The following SLC6A4 variants were observed in gnomAD, a reference collection of about 807,000 sequenced individuals.
SLC6A4 encodes sodium-dependent serotonin transporter.
SLC6A4 carries 22 observed loss-of-function variants against 73.4 expected under a neutral mutation model. The observed-to-expected ratio is 0.30, with a 90% confidence interval of 0.21 to 0.43. The LOEUF is 0.43. Ranked by LOEUF, SLC6A4 falls within the 20% of genes least tolerant of loss-of-function variation. SLC6A4 has a pLI of 1.00. For synonymous variants in SLC6A4, 270 were observed against 315.5 expected, an observed-to-expected ratio of 0.86 and a Z score of 1.53; for missense variants, 593 against 808.5, an observed-to-expected ratio of 0.73 and a Z score of 3.23.
intron 1 of SLC6A4, among the ~76,000 whole-genome samples, chr17:30,225,992 G>A (rs1906914700): frequency 1.3e-5 from 2 of 152,184 alleles, no homozygotes; most frequent in African/African-American, 2.4e-5. Flanking sequence ...ATCCCGATTG[G>A]TCATAAACAC....
chr17:30,201,189 T>C (rs931705339), intron 14 of SLC6A4, among the ~76,000 whole-genome samples: 1 of 152,112 alleles, frequency 6.6e-6, no homozygotes, highest in Non-Finnish European at 1.5e-5. Context: ...GAACACACTT[T>C]GGGAAATGTT....
intron 1 of SLC6A4, among the ~76,000 whole-genome samples, chr17:30,224,850 C>T (rs2143015878): frequency 6.6e-6 from 1 of 152,240 alleles, no homozygotes; most frequent in Admixed American, 6.5e-5. Context: ...CGTGTGTTCT[C>T]AGGAGTCCTC....
intron 13 of SLC6A4, chr17:30,205,960 GT>G (rs1328633366): frequency 6.6e-6 from 1 of 152,156 alleles, no homozygotes; most frequent in African/African-American, 2.4e-5. Context: ...ACTGAGTCTT[GT>G]TCACGTCCTG....
intron 8 of SLC6A4, among the ~76,000 whole-genome samples, chr17:30,214,422 C>CA (rs748274109): frequency 0.029 from 2,313 of 79,466 alleles, 219 homozygotes; most frequent in African/African-American, 0.12. Context: ...AACTCCGTCT[C>CA]AAAAAAAAAA....
intron 1 of SLC6A4, among the ~76,000 whole-genome samples, chr17:30,231,388 G>T (rs1049191551): frequency 1.3e-5 from 2 of 150,778 alleles, no homozygotes; most frequent in Non-Finnish European, 3.0e-5. Context: ...TACATATAGT[G>T]TATACAGACA....
chr17:30,223,582 G>A (rs1466261845), intron 1 of SLC6A4, among the ~76,000 whole-genome samples: 1 of 152,162 alleles, frequency 6.6e-6, no homozygotes, highest in Non-Finnish European at 1.5e-5. Flanking sequence ...CATTTTTTCT[G>A]TAAAGTGGAA....
At chr17:30,210,024 G>A (rs780103164) in intron 11 of SLC6A4, among the ~76,000 whole-genome samples, 17 of 151,798 alleles carry the variant, frequency 1.1e-4, no homozygotes, top group South Asian at 2.1e-4. Flanking sequence ...TCGGGGTCAC[G>A]GCTTAAAGAT....
chr17:30,213,912 A>G (rs532530299), intron 8 of SLC6A4, among the ~76,000 whole-genome samples: 1 of 151,744 alleles, frequency 6.6e-6, no homozygotes, highest in East Asian at 2.0e-4. Flanking sequence ...ACACTCAGCT[A>G]ATTTTTAAAT....
chr17:30,218,415 G>A (rs1428775143), intron 4 of SLC6A4, 78 bp from the exon 5 acceptor site: 4 of 1,106,744 alleles, frequency 3.6e-6, no homozygotes, highest in African/African-American at 3.1e-5. Flanking sequence ...ACGGGGCACT[G>A]GAGAGCCCCG....
chr17:30,234,490 C>A (rs532146473), intron 1 of SLC6A4, among the ~76,000 whole-genome samples: 23 of 152,170 alleles, frequency 1.5e-4, no homozygotes, highest in Non-Finnish European at 3.2e-4. Context: ...AAAACCCGAA[C>A]CCTGGGGCCT....
chr17:30,229,942 C>T lies in SLC6A4; in HGVS notation c.-221+5671G>A, dbSNP rs894484995. 5.0e-4 allele frequency among the ~76,000 whole-genome samples: 76 copies of T among 151,876 alleles called. 1 individual carries two copies. Among genetic ancestry groups the T allele is most frequent in the Admixed American group, 1.4e-3 (22 of 15,252 alleles). ...GCTGAGGCAGGAGAATAGCTTGAAC[C>T]CAGGAGGCAGAGGTTGTGGTGAGCT... On this transcript the variant is annotated intron_variant, in intron 1 of 14. Transcript: ENST00000650711.
chr17:30,210,416 G>T, intron 11 of SLC6A4, 99 bp downstream of exon 11: 1 of 1,342,910 alleles, frequency 7.4e-7, no homozygotes, highest in Non-Finnish European at 1.0e-6. Flanking sequence ...TGGTCCCAAA[G>T]CCAGGGCACT....
chr17:30,224,641 G>T (rs1329069386), intron 1 of SLC6A4, among the ~76,000 whole-genome samples: 1 of 152,200 alleles, frequency 6.6e-6, no homozygotes, highest in African/African-American at 2.4e-5. Flanking sequence ...GGCCCAGAGG[G>T]TCTACGGAAG....
chr17:30,229,690 A>AG (rs11417957), intron 1 of SLC6A4, among the ~76,000 whole-genome samples: 151,432 of 152,034 alleles, frequency 1, 75,415 homozygotes, highest in Non-Finnish European at 1. Flanking sequence ...CTGAGATTAC[A>AG]GCATGAGCCA....
At chr17:30,232,910 A>G (rs1388050797) in intron 1 of SLC6A4, among the ~76,000 whole-genome samples, 3 of 152,218 alleles carry the variant, frequency 2.0e-5, no homozygotes, top group Non-Finnish European at 2.9e-5. Context: ...ACCTGGAAGT[A>G]CGGGGCTGTG....
intron 1 of SLC6A4, among the ~76,000 whole-genome samples, chr17:30,227,052 C>A (rs1003860206): frequency 2.0e-5 from 3 of 152,190 alleles, no homozygotes; most frequent in Non-Finnish European, 4.4e-5. Flanking sequence ...CGCTGGCTCG[C>A]CGCGGCGTGT....
Position 30,235,277 on chromosome 17 carries a change from A to T in SLC6A4, c.-221+336T>A, listed in dbSNP as rs1311504697. Among the ~76,000 whole-genome samples the T allele has an allele frequency of 6.6e-6, 1 of 152,248 alleles. No homozygotes were observed. Among genetic ancestry groups the T allele is most frequent in the Non-Finnish European group, 1.5e-5 (1 of 68,038 alleles). On this transcript the variant is annotated intron_variant, in intron 1 of 14. Coordinates refer to ENST00000650711, the MANE Select transcript of SLC6A4 (RefSeq NM_001045.6). The surrounding 1 kb of genome is among the most constrained non-coding windows in gnomAD (Gnocchi z 4.5). ...CAAGCAACTCTTCCCAAAGCGCAGG[A>T]CAGCACTTTGCTCAAGACCCTCTTT... is the stretch of plus-strand genomic sequence containing the variant.
rs1043946880 is a variant in SLC6A4, at chr17:30,211,163, C to T, written c.1317+149G>A. 19 of 612,734 alleles carry T rather than the reference C, an allele frequency of 3.1e-5. No homozygotes were observed. Among genetic ancestry groups the T allele is most frequent in the South Asian group, 1.7e-4 (9 of 51,504 alleles). 38.0% of individuals were successfully genotyped at this position (612,734 alleles called of 1,614,324 possible). A position where few individuals can be genotyped will look rare whatever the true frequency, so the allele number is the denominator to read the frequency against. On this transcript the variant is annotated intron_variant, in intron 10 of 14. Transcript: ENST00000650711. This position sits in a 1 kb window ranked among gnomAD's most constrained non-coding sequence, Gnocchi z 4.0. ...GAATGTACCAGAGGGTGGTAAATGC[C>T]GAGGAGTCAGCCGGGGGTCTGGAGC...
chr17:30,207,459 C>G (rs544298967), intron 13 of SLC6A4, among the ~76,000 whole-genome samples: 1 of 152,302 alleles, frequency 6.6e-6, no homozygotes, highest in East Asian at 1.9e-4. Context: ...GCAATTTCAG[C>G]TCACTGCAAC....
Sources: allele counts gnomAD v4.1 joint callset (sites outside exome capture counted in the v4.1 genomes callset), GRCh38; gene constraint gnomAD v4.1.1; non-coding constraint Gnocchi (gnomAD v3.1); transcripts MANE v1.5; gene names NCBI Gene and HGNC (gene_info 2026-07-23, HGNC 2026-07-21).